The following VDAC1 variants were observed in gnomAD, a reference collection of about 807,000 sequenced individuals.
VDAC1 encodes voltage dependent anion channel 1.
VDAC1 carries 10 observed loss-of-function variants against 34.7 expected under a neutral mutation model. The ratio of observed to expected loss-of-function variants is 0.29; its 90% confidence interval spans 0.18 to 0.49. The LOEUF is 0.49. Among genes scored for constraint, VDAC1 ranks in the 20% least tolerant of loss-of-function variants. The pLI, the probability that VDAC1 is intolerant of heterozygous loss-of-function variation, is 0.99. For synonymous variants in VDAC1, 130 were observed against 136.0 expected (o/e 0.96, Z 0.30); for missense variants, 230 against 347.9 (o/e 0.66, Z 2.69).
At chr5:134,033,049 A>G in the VDAC1 span, among the ~76,000 whole-genome samples, 3 of 151,200 alleles carry the variant, frequency 2.0e-5, no homozygotes, top group Admixed American at 2.0e-4. Context: ...GGGGACGGGA[A>G]GGGAGGAGAG....
At chr5:134,006,747 C>CA (rs1753760224), upstream of VDAC1, among the ~76,000 whole-genome samples, 1 of 112,504 alleles carries the variant, frequency 8.9e-6, no homozygotes, top group African/African-American at 3.4e-5. Flanking sequence ...TCCCCCCCCC[C>CA]CAAAAAAAAA....
the VDAC1 span, among the ~76,000 whole-genome samples, chr5:134,037,182 G>A: frequency 6.6e-6 from 1 of 152,124 alleles, no homozygotes; most frequent in Non-Finnish European, 1.5e-5. Context: ...TGGAAGAAAC[G>A]AGGCCCAATA....
upstream of VDAC1, among the ~76,000 whole-genome samples, chr5:134,006,646 G>A (rs923677376): frequency 6.6e-6 from 1 of 151,412 alleles, no homozygotes; most frequent in Non-Finnish European, 1.5e-5. Flanking sequence ...AGGAGGCTGA[G>A]GCACGAGAAT....
the VDAC1 span, among the ~76,000 whole-genome samples, chr5:134,055,884 C>T: frequency 6.6e-6 from 1 of 151,978 alleles, no homozygotes; most frequent in East Asian, 1.9e-4. Flanking sequence ...TTCCTATGGG[C>T]GTGCAAGCAC....
the VDAC1 span, among the ~76,000 whole-genome samples, chr5:134,040,692 A>G: frequency 1.3e-5 from 2 of 152,204 alleles, no homozygotes; most frequent in Admixed American, 1.3e-4. Flanking sequence ...GTACTGCTGC[A>G]CTCCAGCCTG....
chr5:134,068,549 G>T, the VDAC1 span, among the ~76,000 whole-genome samples: 1 of 152,060 alleles, frequency 6.6e-6, no homozygotes, highest in African/African-American at 2.4e-5. Flanking sequence ...TGTTGCTAAT[G>T]AGAAGGCTGT....
chr5:134,084,972 G>A, the VDAC1 span, among the ~76,000 whole-genome samples: 1 of 152,208 alleles, frequency 6.6e-6, no homozygotes, highest in African/African-American at 2.4e-5. Flanking sequence ...ATGTAAGCCA[G>A]CTCTCACCTC....
At chr5:134,043,247 C>G in the VDAC1 span, among the ~76,000 whole-genome samples, 1 of 152,204 alleles carries the variant, frequency 6.6e-6, no homozygotes, top group Non-Finnish European at 1.5e-5. Flanking sequence ...GATTTCTCAC[C>G]TCTCCGAATA....
intron 5 of VDAC1, among the ~76,000 whole-genome samples, chr5:133,985,405 T>C (rs1752869097): frequency 1.3e-5 from 2 of 152,160 alleles, no homozygotes; most frequent in African/African-American, 4.8e-5. Context: ...CTCACACCTG[T>C]AATCCCAGCA....
chr5:134,004,809 C>G (rs1216031574), intron 1 of VDAC1, 86 bp downstream of exon 1: 6 of 150,212 alleles, frequency 4.0e-5, no homozygotes, highest in Non-Finnish European at 5.9e-5. Flanking sequence ...CGCGCCCGGC[C>G]CGGCGCGCTC....
chr5:134,100,810 GC>G, the VDAC1 span, among the ~76,000 whole-genome samples: 1 of 152,268 alleles, frequency 6.6e-6, no homozygotes, highest in Non-Finnish European at 1.5e-5. Context: ...TGGCACTTCA[GC>G]CAGGCCCCTT....
At chr5:133,974,781 C>T (rs559155998) in intron 7 of VDAC1, among the ~76,000 whole-genome samples, 7 of 152,086 alleles carry the variant, frequency 4.6e-5, no homozygotes, top group African/African-American at 7.2e-5. Context: ...GGTGAAACCC[C>T]GTCTATACTA....
chr5:134,049,372 G>A, the VDAC1 span, among the ~76,000 whole-genome samples: 1 of 152,170 alleles, frequency 6.6e-6, no homozygotes, highest in Non-Finnish European at 1.5e-5. Flanking sequence ...GGAATGACAG[G>A]TGTGAGCCAC....
At chr5:133,984,657 C>T (rs756135679) in intron 5 of VDAC1, among the ~76,000 whole-genome samples, 2 of 152,148 alleles carry the variant, frequency 1.3e-5, no homozygotes, top group African/African-American at 4.8e-5. Context: ...CAATGCCAGC[C>T]GGGCACAGTG....
At chr5:134,032,357 A>T in the VDAC1 span, among the ~76,000 whole-genome samples, 1 of 151,906 alleles carries the variant, frequency 6.6e-6, no homozygotes, top group Non-Finnish European at 1.5e-5. Context: ...TAAGCCAATA[A>T]ATGTATGGTA....
At chr5:134,036,194 T>G in the VDAC1 span, among the ~76,000 whole-genome samples, 5 of 152,084 alleles carry the variant, frequency 3.3e-5, no homozygotes, top group African/African-American at 7.2e-5. Flanking sequence ...AGCTTCACAG[T>G]GGAGAGACCA....
At chr5:133,999,351 G>A (rs1580730817) in intron 1 of VDAC1, among the ~76,000 whole-genome samples, 1 of 152,264 alleles carries the variant, frequency 6.6e-6, no homozygotes, top group African/African-American at 2.4e-5. Context: ...GAAACAGGCA[G>A]AACAGCAGAA....
At chr5:134,038,138 A>G in the VDAC1 span, among the ~76,000 whole-genome samples, 1 of 152,226 alleles carries the variant, frequency 6.6e-6, no homozygotes, top group Admixed American at 6.5e-5. Flanking sequence ...AAGCACATAA[A>G]CAATACAATT....
chr5:134,041,055 T>G, the VDAC1 span, among the ~76,000 whole-genome samples: 3 of 152,230 alleles, frequency 2.0e-5, no homozygotes, highest in African/African-American at 7.2e-5. Context: ...ATATTGTCCT[T>G]GGGATCCAGT....
Sources: allele counts gnomAD v4.1 joint callset (sites outside exome capture counted in the v4.1 genomes callset), GRCh38; gene constraint gnomAD v4.1.1; transcripts MANE v1.5; gene names NCBI Gene and HGNC (gene_info 2026-07-23, HGNC 2026-07-21).